The following CEP76 variants were observed in gnomAD, a reference collection of about 807,000 sequenced individuals.
CEP76 encodes centrosomal protein 76, also known as centrosomal protein of 76 kDa.
A neutral mutation model predicts 83.3 loss-of-function variants in CEP76; 55 were observed. That is an observed-to-expected ratio of 0.66 (90% CI 0.53 to 0.83). CEP76 has a LOEUF of 0.83. CEP76 is among the 40% of genes least tolerant of loss of function. CEP76 has a pLI of 0.00. For missense variants in CEP76, 694 were observed against 799.5 expected (o/e 0.87, Z 1.59); for synonymous variants, 270 against 274.5 (o/e 0.98, Z 0.16).
downstream of CEP76, chr18:12,672,608 C>A: frequency 2.1e-6 from 2 of 966,514 alleles, no homozygotes; most frequent in South Asian, 9.5e-5. Flanking sequence ...AATAATGAAT[C>A]CTCTGACCAC....
At chr18:12,681,198 CAAA>C (rs35644207) in intron 8 of CEP76, among the ~76,000 whole-genome samples, 1 of 82,902 alleles carries the variant, frequency 1.2e-5, no homozygotes. Flanking sequence ...ACTCTGTTTC[CAAA>C]AAAAAAAAAA....
chr18:12,680,720 C>T lies in CEP76; in HGVS notation c.1231G>A (p.Val411Ile). The change falls in exon 9 of 12, where the codon GTT (valine) becomes ATT (isoleucine). Residue 411 changes from valine (V) to isoleucine (I), a missense_variant. By Grantham distance (29) the Val-to-Ile change is conservative. Transcript: ENST00000262127. ...GCCCCATCAGTTCCACAAGTCATAA[C>T]CCATGCATGAGGTACTCCTTTTGCC... ...TKAKGVPHAWVMTCGTDGAIT... is the reference protein window; with the variant it reads ...TKAKGVPHAWIMTCGTDGAIT... The T allele has an allele frequency of 6.2e-7, 1 of 1,613,772 alleles. No homozygotes were observed.
At chr18:12,680,956 T>G (rs1041774101) in intron 8 of CEP76, 128 bp from the exon 9 acceptor site, 5 of 812,512 alleles carry the variant, frequency 6.2e-6, no homozygotes, top group Non-Finnish European at 9.1e-6. Flanking sequence ...CCCAACACTT[T>G]GGGAGGCCAA....
chr18:12,673,779 G>A (rs1166113598), intron 11 of CEP76, among the ~76,000 whole-genome samples: 3 of 152,164 alleles, frequency 2.0e-5, no homozygotes, highest in African/African-American at 7.2e-5. Flanking sequence ...TACTTGGGAG[G>A]CTGAGGCAGG....
rs2039217023 is a variant in CEP76, at chr18:12,678,279, C to T, written c.1453G>A (p.Glu485Lys). Reference sequence around the variant, plus strand: ...TCACTCATGGGTTTCCATTTGGATTCATCGTTCAAATCAAATACACAGGTT... The same window carrying T: ...TCACTCATGGGTTTCCATTTGGATTTATCGTTCAAATCAAATACACAGGTT... ...VETCVFDLNDESKWKPMSEEA... is the reference protein window; with the variant it reads ...VETCVFDLNDKSKWKPMSEEA... Residue 485 changes from glutamate to lysine, a missense_variant, in exon 10 of 12, where the codon GAA becomes AAA. Glu to Lys is a moderately conservative substitution (Grantham distance 56, BLOSUM62 1). Coordinates refer to ENST00000262127, the MANE Select transcript of CEP76 (RefSeq NM_024899.4). 3.1e-6 allele frequency: 5 copies of T among 1,613,976 alleles called. No individual in the cohort carries two copies. The East Asian group carries it at 1.1e-4, about 36-fold the overall frequency.
At chr18:12,683,642 T>G (rs1261428946) in intron 8 of CEP76, among the ~76,000 whole-genome samples, 2 of 151,124 alleles carry the variant, frequency 1.3e-5, no homozygotes, top group Non-Finnish European at 2.9e-5. Flanking sequence ...TCCCAGCTAC[T>G]AGGGAGGCTG....
At chr18:12,701,939 A>G (rs567486939) in intron 1 of CEP76, among the ~76,000 whole-genome samples, 2 of 152,080 alleles carry the variant, frequency 1.3e-5, no homozygotes, top group East Asian at 3.9e-4. Context: ...GACCAGCCAC[A>G]CCAACATGGT....
At chr18:12,690,250 TCTGGA>T (rs2039703254) in intron 7 of CEP76, among the ~76,000 whole-genome samples, 1 of 152,160 alleles carries the variant, frequency 6.6e-6, no homozygotes, top group African/African-American at 2.4e-5. Context: ...AAGCTCCCCA[TCTGGA>T]CACTAAACCA....
chr18:12,686,256 T>C lies in CEP76; in HGVS notation c.1122+6A>G. ...GCTACTTAATTCTATTATGTGTGTATAATACCTTGTTTCTACAGAGAAAGG... is the reference window on the plus strand; with the variant it reads ...GCTACTTAATTCTATTATGTGTGTACAATACCTTGTTTCTACAGAGAAAGG... On this transcript the variant is annotated splice_donor_region_variant and intron_variant, in intron 8 of 11. Transcript: ENST00000262127. 1.2e-6 allele frequency: 2 copies of C among 1,606,802 alleles called. No individual in the cohort carries two copies. The highest frequency in any genetic ancestry group is 2.2e-5 in the South Asian group (2 of 90,716).
intron 7 of CEP76, among the ~76,000 whole-genome samples, chr18:12,688,059 T>C (rs549026215): frequency 4.0e-5 from 6 of 151,458 alleles, no homozygotes; most frequent in South Asian, 2.1e-4. Context: ...CTGGCTAACA[T>C]GGTGAAACCC....
chr18:12,663,779 G>A (rs1290003907), intron 12 of CEP76, among the ~76,000 whole-genome samples: 1 of 152,030 alleles, frequency 6.6e-6, no homozygotes, highest in Non-Finnish European at 1.5e-5. Flanking sequence ...GTGTGTATGT[G>A]TAGAGAGACA....
intron 12 of CEP76, among the ~76,000 whole-genome samples, chr18:12,666,991 C>G (rs2038816926): frequency 6.6e-6 from 1 of 151,722 alleles, no homozygotes; most frequent in Non-Finnish European, 1.5e-5. Flanking sequence ...AAATCTCAAT[C>G]TGATTCTGAT....
At chr18:12,693,375 A>C (rs1199591703) in intron 6 of CEP76, among the ~76,000 whole-genome samples, 1 of 151,952 alleles carries the variant, frequency 6.6e-6, no homozygotes, top group African/African-American at 2.4e-5. Flanking sequence ...AGTGAGCTAT[A>C]ATCACACCAC....
At chr18:12,694,147 T>A (rs536308671) in intron 6 of CEP76, among the ~76,000 whole-genome samples, 1 of 152,128 alleles carries the variant, frequency 6.6e-6, no homozygotes, top group Non-Finnish European at 1.5e-5. Flanking sequence ...CACTATGTGG[T>A]TTCAGGTATA....
intron 7 of CEP76, 197 bp from the exon 8 acceptor site, chr18:12,686,647 T>C (rs1293814087): frequency 2.3e-6 from 1 of 433,484 alleles, no homozygotes; most frequent in African/African-American, 2.0e-5. Context: ...ATTTTATAGA[T>C]GAAAACTGAG....
intron 7 of CEP76, among the ~76,000 whole-genome samples, chr18:12,690,946 C>CT (rs907317825): frequency 3.3e-5 from 5 of 151,552 alleles, no homozygotes; most frequent in East Asian, 3.9e-4. Context: ...AGAGCCCCCC[C>CT]CCGTTCTGCA....
At chr18:12,676,407 T>C (rs1445711742) in intron 10 of CEP76, among the ~76,000 whole-genome samples, 1 of 150,880 alleles carries the variant, frequency 6.6e-6, no homozygotes, top group African/African-American at 2.4e-5. Flanking sequence ...TCCGAGTATC[T>C]GGGACTACAG....
At position 12,677,986 on chromosome 18, in the gene CEP76, TAGG is replaced by T. The variant is rs999278452; in HGVS notation, c.1623+120_1623+122del. The T allele has an allele frequency of 5.9e-6, 4 of 681,032 alleles. No individual in the cohort carries two copies. The Admixed American group carries it at 1.2e-4, about 20-fold the overall frequency. The allele number at this position is 681,032 out of a possible 1,614,324, so 42.2% of individuals were successfully genotyped here. A position where few individuals can be genotyped will look rare whatever the true frequency, so the allele number is the denominator to read the frequency against. On this transcript the variant is annotated intron_variant, in intron 10 of 11. Coordinates refer to ENST00000262127, the MANE Select transcript of CEP76 (RefSeq NM_024899.4). The stretch of plus-strand genomic sequence containing the variant: ...TTCAAAATTATAAGCTTCATAATAG[TAGG>T]GACTGTAGTTGTTTTGTTCAGGGCT...
At chr18:12,698,156 TTTTATTTA>T (rs1160293872) in intron 4 of CEP76, among the ~76,000 whole-genome samples, 2 of 147,040 alleles carry the variant, frequency 1.4e-5, no homozygotes, top group African/African-American at 5.1e-5. Context: ...TGACTTTTTA[TTTTATTTA>T]TATTTATTTG....
Sources: allele counts gnomAD v4.1 joint callset (sites outside exome capture counted in the v4.1 genomes callset), GRCh38; gene constraint gnomAD v4.1.1; transcripts MANE v1.5; gene names NCBI Gene and HGNC (gene_info 2026-07-23, HGNC 2026-07-21).